Variants in FILIP1 observed in about 807,000 individuals in gnomAD.
FILIP1 encodes filamin A interacting protein 1.
FILIP1 carries 61 observed loss-of-function variants against 102.1 expected under a neutral mutation model. That is an observed-to-expected ratio of 0.60 (90% CI 0.49 to 0.74). The LOEUF is 0.74. FILIP1 is among the 30% of genes least tolerant of loss of function. FILIP1 has a pLI of 0.00. For synonymous variants in FILIP1, 491 were observed against 526.9 expected (o/e 0.93, Z 0.93); for missense variants, 1,314 against 1,441.2 (o/e 0.91, Z 1.43).
At position 75,379,240 on chromosome 6, in the gene FILIP1, T is replaced by C. The variant is rs537394031; in HGVS notation, c.277-16323A>G. Among the ~76,000 whole-genome samples the C allele has an allele frequency of 2.6e-5, 4 of 152,364 alleles. No individual in the cohort carries two copies. The East Asian group carries it at 7.7e-4, about 29-fold the overall frequency. On this transcript the variant is annotated intron_variant, in intron 2 of 5. Coordinates refer to ENST00000237172, the MANE Select transcript of FILIP1 (RefSeq NM_015687.5). ...ATGACTAGAACCCAAGTTGTTTTTT[T>C]ATTACTAGGTATAAATGTAGTTTAT... is the stretch of plus-strand genomic sequence containing the variant.
intron 1 of FILIP1, among the ~76,000 whole-genome samples, chr6:75,477,264 G>A (rs1779502096): frequency 6.6e-6 from 1 of 152,140 alleles, no homozygotes; most frequent in Admixed American, 6.5e-5. Flanking sequence ...ATGGTTACCG[G>A]ACGCTTGGAG....
chr6:75,348,768 T>G (rs558077403), intron 4 of FILIP1, among the ~76,000 whole-genome samples: 2 of 152,336 alleles, frequency 1.3e-5, no homozygotes, highest in South Asian at 2.1e-4. Context: ...AGTAAAACAC[T>G]GTGTATGCTA....
chr6:75,383,046 C>A (rs1386081752), intron 2 of FILIP1, among the ~76,000 whole-genome samples: 1 of 152,210 alleles, frequency 6.6e-6, no homozygotes, highest in Non-Finnish European at 1.5e-5. Context: ...AGACTTGTTA[C>A]TCTCCATTCT....
intron 1 of FILIP1, among the ~76,000 whole-genome samples, chr6:75,471,585 A>G (rs1779331876): frequency 6.6e-6 from 1 of 152,186 alleles, no homozygotes; most frequent in South Asian, 2.1e-4. Context: ...CTCAGAGTCA[A>G]CTAACTGTTG....
intron 1 of FILIP1, among the ~76,000 whole-genome samples, chr6:75,418,298 A>G (rs995763916): frequency 1.3e-5 from 2 of 152,222 alleles, no homozygotes; most frequent in Non-Finnish European, 2.9e-5. Flanking sequence ...CACTCTTGCA[A>G]CACTCACATA....
At chr6:75,454,012 T>C (rs1409778824) in intron 1 of FILIP1, 1 of 456,564 alleles carries the variant, frequency 2.2e-6, no homozygotes, top group Admixed American at 2.3e-5. Flanking sequence ...ACAACATCCA[T>C]TTATTATCTC....
intron 1 of FILIP1, among the ~76,000 whole-genome samples, chr6:75,444,036 T>C (rs1472468515): frequency 6.6e-6 from 1 of 152,140 alleles, no homozygotes; most frequent in Non-Finnish European, 1.5e-5. Context: ...ACTTAATAAA[T>C]AGAAGAGGTA....
At position 75,314,563 on chromosome 6, in the gene FILIP1, A is replaced by G; in HGVS notation, c.1269T>C (p.Leu423=). The G allele has an allele frequency of 1.2e-6, 2 of 1,613,934 alleles. No individual in the cohort carries two copies. The highest frequency in any genetic ancestry group is 1.7e-6 in the Non-Finnish European group (2 of 1,180,004). Residue 423 remains leucine (L), a synonymous_variant, in exon 5 of 6, where the codon CTT becomes CTC. Coordinates refer to ENST00000237172, the MANE Select transcript of FILIP1 (RefSeq NM_015687.5). ...TTCTCTTCTGTAGCTTCTCAACTTC[A>G]AGTCTGAGCTCCTTACTATGGTGTT... The part of the protein sequence containing the change: ...EEEHHSKELR[L]EVEKLQKRMS...
intron 2 of FILIP1, among the ~76,000 whole-genome samples, chr6:75,386,870 T>C (rs1776111329): frequency 6.6e-6 from 1 of 152,194 alleles, no homozygotes; most frequent in Non-Finnish European, 1.5e-5. Context: ...ATACTTTAAG[T>C]TCTGAGATCC....
At chr6:75,412,277 A>G (rs1777099662) in intron 2 of FILIP1, among the ~76,000 whole-genome samples, 1 of 152,060 alleles carries the variant, frequency 6.6e-6, no homozygotes, top group South Asian at 2.1e-4. Flanking sequence ...GTATCCGGAG[A>G]CTTTGCTGAT....
At chr6:75,465,419 T>C in intron 1 of FILIP1, 1 of 648,322 alleles carries the variant, frequency 1.5e-6, no homozygotes, top group East Asian at 3.1e-5. Context: ...TCCAATGAAG[T>C]GGTGGACCCA....
intron 4 of FILIP1, among the ~76,000 whole-genome samples, chr6:75,316,314 G>A (rs1027189822): frequency 2.0e-5 from 3 of 152,088 alleles, no homozygotes; most frequent in Non-Finnish European, 2.9e-5. Context: ...TATAAGGGAA[G>A]CAAGTTATAA....
In FILIP1 at chr6:75,308,518, GC is replaced by G. The variant is rs2149540199; in HGVS notation, c.*172del. On this transcript the variant is annotated 3_prime_UTR_variant, in exon 6 of 6. Coordinates refer to ENST00000237172, the MANE Select transcript of FILIP1 (RefSeq NM_015687.5). ...ATAGTTTTGCTAATTTTGTTCCCCAGCATCAAAACAAATGCACAAAATGGGA... is the reference window on the plus strand; with the variant it reads ...ATAGTTTTGCTAATTTTGTTCCCCAGATCAAAACAAATGCACAAAATGGGA... The G allele has an allele frequency of 1.4e-6, 2 of 1,434,992 alleles. No individual in the cohort carries two copies. Among genetic ancestry groups the G allele is most frequent in the Non-Finnish European group, 1.8e-6 (2 of 1,098,154 alleles). 88.9% of individuals were successfully genotyped at this position (1,434,992 alleles called of 1,614,324 possible).
intron 1 of FILIP1, among the ~76,000 whole-genome samples, chr6:75,428,188 T>C (rs1411129398): frequency 6.6e-6 from 1 of 152,146 alleles, no homozygotes; most frequent in Non-Finnish European, 1.5e-5. Context: ...CTCAGTCCAA[T>C]ATTACTTTCT....
At chr6:75,319,154 C>T in intron 4 of FILIP1, 1 of 723,366 alleles carries the variant, frequency 1.4e-6, no homozygotes, top group Non-Finnish European at 2.5e-6. Flanking sequence ...CCCTTTTATG[C>T]TGCATCAGGC....
At chr6:75,328,754 C>T (rs1450315148) in intron 4 of FILIP1, among the ~76,000 whole-genome samples, 1 of 152,176 alleles carries the variant, frequency 6.6e-6, no homozygotes, top group Admixed American at 6.5e-5. Context: ...TCCCAAAGTA[C>T]TGGGATTACA....
chr6:75,465,523 GA>G, intron 1 of FILIP1: 1 of 724,974 alleles, frequency 1.4e-6, no homozygotes, highest in South Asian at 1.6e-5. Flanking sequence ...AATGTCTAAA[GA>G]AAATATGAAA....
Position 75,314,211 on chromosome 6 carries a change from T to C in FILIP1, c.1621A>G (p.Met541Val). The change falls in exon 5 of 6, where the codon ATG becomes GTG. Residue 541 changes from methionine to valine, a missense_variant. Coordinates refer to ENST00000237172, the MANE Select transcript of FILIP1 (RefSeq NM_015687.5). ...TCAATTAGTTTTTCAGTTACATCCA[T>C]AACTTTTCCTTGTTCCACCTTAAAA... Reference protein sequence around the residue: ...KNFKVEQGKVMDVTEKLIEES... With the variant: ...KNFKVEQGKVVDVTEKLIEES... The C allele has an allele frequency of 1.9e-6, 3 of 1,562,676 alleles. No homozygotes were observed. The highest frequency in any genetic ancestry group is 2.6e-6 in the Non-Finnish European group (3 of 1,165,082).
chr6:75,407,551 A>G (rs905068376), intron 2 of FILIP1, among the ~76,000 whole-genome samples: 1 of 152,102 alleles, frequency 6.6e-6, no homozygotes, highest in African/African-American at 2.4e-5. Flanking sequence ...GAAGTATACA[A>G]CACCTCTTCT....
Sources: allele counts gnomAD v4.1 joint callset (sites outside exome capture counted in the v4.1 genomes callset), GRCh38; gene constraint gnomAD v4.1.1; transcripts MANE v1.5; gene names NCBI Gene and HGNC (gene_info 2026-07-23, HGNC 2026-07-21).